ADGRL3: variants seen among roughly 807,000 people sequenced by gnomAD.
ADGRL3 encodes the protein adhesion G protein-coupled receptor L3, also known as calcium-independent alpha-latrotoxin receptor 3.
A neutral mutation model predicts 153.5 loss-of-function variants in ADGRL3; 62 were observed. The observed-to-expected ratio is 0.40, with a 90% CI of 0.33 to 0.50. The LOEUF is 0.50. Ranked by LOEUF, ADGRL3 falls within the 20% of genes least tolerant of loss-of-function variation. The pLI is 0.47. For synonymous variants in ADGRL3, 710 were observed against 672.5 expected (o/e 1.06, Z -0.86); for missense variants, 1,641 against 1,859.4 (o/e 0.88, Z 2.16).
At chr4:61,726,789 T>C (rs1209220686) in intron 6 of ADGRL3, among the ~76,000 whole-genome samples, 2 of 152,174 alleles carry the variant, frequency 1.3e-5, no homozygotes, top group East Asian at 1.9e-4. Flanking sequence ...TATTACCATG[T>C]TATGTCCCCT....
intron 2 of ADGRL3, among the ~76,000 whole-genome samples, chr4:61,403,150 G>T (rs1189810147): frequency 1.3e-5 from 2 of 151,994 alleles, no homozygotes; most frequent in East Asian, 3.9e-4. Flanking sequence ...AACACAATAA[G>T]ATATACATAT....
intron 25 of ADGRL3, among the ~76,000 whole-genome samples, chr4:62,064,459 T>G (rs1387134096): frequency 1.3e-5 from 2 of 151,964 alleles, no homozygotes; most frequent in Non-Finnish European, 2.9e-5. Context: ...ATACATCATA[T>G]GTAAAGAAAC....
At chr4:61,749,945 G>A (rs970516720) in intron 8 of ADGRL3, among the ~76,000 whole-genome samples, 3 of 152,032 alleles carry the variant, frequency 2.0e-5, no homozygotes, top group African/African-American at 7.2e-5. Flanking sequence ...GCTGTGAGAT[G>A]TAGAAGCAGT....
At chr4:61,526,954 A>G (rs1023358463) in intron 4 of ADGRL3, among the ~76,000 whole-genome samples, 3 of 152,132 alleles carry the variant, frequency 2.0e-5, no homozygotes, top group African/African-American at 7.2e-5. Flanking sequence ...TTAAAATTCA[A>G]AAATTACACT....
intron 8 of ADGRL3, among the ~76,000 whole-genome samples, chr4:61,804,308 A>G (rs1372107923): frequency 6.6e-6 from 1 of 152,142 alleles, no homozygotes; most frequent in Non-Finnish European, 1.5e-5. Context: ...GCTAACTAAC[A>G]TGCTGTCAAA....
At chr4:61,446,064 G>A (rs75895634) in intron 2 of ADGRL3, among the ~76,000 whole-genome samples, 2 of 152,172 alleles carry the variant, frequency 1.3e-5, no homozygotes, top group Admixed American at 1.3e-4. Flanking sequence ...CCAGGTATGT[G>A]GTGTCGGCAC....
In ADGRL3 at chr4:61,425,044, G is replaced by A. The variant is rs546975931; in HGVS notation, c.-174+41855G>A. On this transcript the variant is annotated intron_variant, in intron 2 of 26. Coordinates refer to ENST00000683033, the MANE Select transcript of ADGRL3 (RefSeq NM_001387552.1). The stretch of plus-strand genomic sequence containing the variant: ...CCACAGACCCATAAACTCCCAGGGG[G>A]CACAAAGTCCATTGGAGCTTGACGT... Among the ~76,000 whole-genome samples the A allele has an allele frequency of 2.6e-5, 4 of 152,206 alleles. No homozygotes were observed. The East Asian group carries it at 7.7e-4, about 29-fold the overall frequency.
At chr4:61,695,344 C>T (rs1257028550) in intron 6 of ADGRL3, among the ~76,000 whole-genome samples, 1 of 152,164 alleles carries the variant, frequency 6.6e-6, no homozygotes, top group African/African-American at 2.4e-5. Context: ...ATGAAAACAA[C>T]ATTAATGTCC....
intron 5 of ADGRL3, among the ~76,000 whole-genome samples, chr4:61,667,327 T>C (rs2150714704): frequency 1.3e-5 from 2 of 152,294 alleles, no homozygotes; most frequent in East Asian, 3.9e-4. Flanking sequence ...CATTTATAAA[T>C]ATACATTTAT....
chr4:61,669,992 A>G (rs528913967), intron 5 of ADGRL3, among the ~76,000 whole-genome samples: 2 of 152,196 alleles, frequency 1.3e-5, no homozygotes, highest in African/African-American at 2.4e-5. Context: ...AAACACTACA[A>G]TATTTCACTT....
chr4:61,587,558 T>C (rs1488319047), intron 5 of ADGRL3, 118 bp downstream of exon 5: 1 of 732,204 alleles, frequency 1.4e-6, no homozygotes, highest in Non-Finnish European at 2.2e-6. Flanking sequence ...CACTTCAAAA[T>C]AGTTTTTCCA....
At chr4:61,950,889 A>G (rs1235998844) in intron 17 of ADGRL3, among the ~76,000 whole-genome samples, 1 of 152,126 alleles carries the variant, frequency 6.6e-6, no homozygotes, top group Admixed American at 6.5e-5. Context: ...TCTTGGAGCC[A>G]TGTTTTGTGC....
intron 4 of ADGRL3, among the ~76,000 whole-genome samples, chr4:61,528,017 TG>T (rs554181356): frequency 8.5e-4 from 130 of 152,220 alleles, no homozygotes; most frequent in African/African-American, 2.9e-3. Context: ...TCTTGGCACT[TG>T]GGGTGTGAAG....
Position 62,042,381 on chromosome 4 carries a change from A to G in ADGRL3, c.3718-2072A>G, listed in dbSNP as rs571449986. On this transcript the variant is annotated intron_variant, in intron 24 of 26. Transcript: ENST00000683033. ...TGTGATTGGATTGTGTGGGTAGCCT[A>G]CAGTTCTAAGTAGGGTGTTATACCT... Among the ~76,000 whole-genome samples the G allele has an allele frequency of 2.9e-4, 44 of 152,020 alleles. 1 individual carries two copies. The highest frequency in any genetic ancestry group is 1.1e-3 in the African/African-American group (44 of 41,500).
At position 61,998,260 on chromosome 4, in the gene ADGRL3, C is replaced by T. The variant is rs903679592; in HGVS notation, c.3390C>T (p.Asn1130=). 3.3e-6 allele frequency: 5 copies of T among 1,528,016 alleles called. No homozygotes were observed. In the African/African-American group the frequency reaches 7.0e-5, roughly 21 times the overall value. The allele number at this position is 1,528,016 out of a possible 1,614,324, so 94.7% of individuals were successfully genotyped here. The change falls in exon 21 of 27, where the codon AAC becomes AAT. Residue 1130 remains asparagine (N), a synonymous_variant. Transcript: ENST00000683033. ...ILKPESGCLD[N]INYEDNRPFI... ...AACCTGAATCAGGCTGTCTTGATAA[C>T]ATCAAGTAAGTGATTTTTATTTTTG...
chr4:61,811,284 C>A (rs2097614826), intron 8 of ADGRL3, among the ~76,000 whole-genome samples: 1 of 151,676 alleles, frequency 6.6e-6, no homozygotes, highest in Non-Finnish European at 1.5e-5. Flanking sequence ...ATGCAATAGA[C>A]TATTATTTAG....
intron 25 of ADGRL3, among the ~76,000 whole-genome samples, chr4:62,044,793 T>A (rs1730231191): frequency 6.6e-6 from 1 of 152,078 alleles, no homozygotes; most frequent in Non-Finnish European, 1.5e-5. Flanking sequence ...TTCCTAGTCA[T>A]CTGCTGCTGC....
chr4:61,359,813 A>G (rs1030356390), intron 1 of ADGRL3, among the ~76,000 whole-genome samples: 9 of 152,224 alleles, frequency 5.9e-5, no homozygotes, highest in African/African-American at 2.2e-4. Flanking sequence ...AAAAATGCCT[A>G]GCACATGGAA....
At position 61,580,991 on chromosome 4, in the gene ADGRL3, A is replaced by G. The variant is rs569386833; in HGVS notation, c.260-6236A>G. ...ATCAAAGAACTGTGAACACATTTTA[A>G]AATTGCCACGTGTGTTGATGGCTGT... On this transcript the variant is annotated intron_variant, in intron 4 of 26. Coordinates refer to ENST00000683033, the MANE Select transcript of ADGRL3 (RefSeq NM_001387552.1). Among the ~76,000 whole-genome samples, 6 of 152,174 alleles carry G rather than the reference A, an allele frequency of 3.9e-5. No homozygotes were observed. The East Asian group carries it at 9.7e-4, about 25-fold the overall frequency.
Sources: allele counts gnomAD v4.1 joint callset (sites outside exome capture counted in the v4.1 genomes callset), GRCh38; gene constraint gnomAD v4.1.1; transcripts MANE v1.5; gene names NCBI Gene and HGNC (gene_info 2026-07-23, HGNC 2026-07-21).